The following MARCHF1 variants were observed in gnomAD, a reference collection of about 807,000 sequenced individuals.
MARCHF1 encodes the protein membrane associated ring-CH-type finger 1, also known as E3 ubiquitin-protein ligase MARCHF1.
MARCHF1 carries 40 observed loss-of-function variants against 54.2 expected under a neutral mutation model. The observed-to-expected ratio is 0.74, with a 90% CI of 0.57 to 0.96. The LOEUF (loss-of-function observed/expected upper bound fraction) is 0.96. MARCHF1 is among the 40% of genes least tolerant of loss of function. MARCHF1 has a pLI of 0.00. For missense variants in MARCHF1, 586 were observed against 656.5 expected (o/e 0.89, Z 1.17); for synonymous variants, 236 against 236.3 (o/e 1.00, Z 0.01).
At chr4:164,311,186 C>A (rs1183486710) in intron 1 of MARCHF1, among the ~76,000 whole-genome samples, 1 of 151,964 alleles carries the variant, frequency 6.6e-6, no homozygotes, top group Non-Finnish European at 1.5e-5. Context: ...TACTGAATTG[C>A]GGATAGATAT....
Position 163,946,081 on chromosome 4 carries a change from T to C in MARCHF1, c.-39+42420A>G, listed in dbSNP as rs1356316625. On this transcript the variant is annotated intron_variant, in intron 3 of 9. Coordinates refer to ENST00000514618, the MANE Select transcript of MARCHF1 (RefSeq NM_001394959.1). ...AGTAAAACATTAATTTTAAAGTTGA[T>C]TTGCTACAAAAATATATGGAAAATA... 1.4e-4 allele frequency among the ~76,000 whole-genome samples: 21 copies of C among 152,134 alleles called. 1 individual carries two copies. Among genetic ancestry groups the C allele is most frequent in the Admixed American group, 1.4e-3 (21 of 15,262 alleles).
intron 4 of MARCHF1, among the ~76,000 whole-genome samples, chr4:163,705,986 A>AT (rs1438341537): frequency 6.6e-6 from 1 of 152,052 alleles, no homozygotes; most frequent in African/African-American, 2.4e-5. Flanking sequence ...ATACATGACA[A>AT]TTAGATAATG....
chr4:164,072,215 A>T (rs778186856), intron 2 of MARCHF1, among the ~76,000 whole-genome samples: 12 of 152,166 alleles, frequency 7.9e-5, no homozygotes, highest in Non-Finnish European at 8.8e-5. Context: ...TTTCCTTATA[A>T]CAAATATAAA....
At chr4:164,015,274 C>T (rs966715617) in intron 2 of MARCHF1, among the ~76,000 whole-genome samples, 1 of 152,090 alleles carries the variant, frequency 6.6e-6, no homozygotes, top group East Asian at 1.9e-4. Context: ...AAACTAGACC[C>T]TTATCTCTCA....
At chr4:163,956,578 A>T (rs868001164) in intron 3 of MARCHF1, among the ~76,000 whole-genome samples, 4 of 152,108 alleles carry the variant, frequency 2.6e-5, no homozygotes, top group African/African-American at 9.7e-5. Flanking sequence ...ATTTTTCTTT[A>T]AAGGCAACAA....
intron 3 of MARCHF1, among the ~76,000 whole-genome samples, chr4:163,893,742 A>G (rs750237889): frequency 2.6e-5 from 4 of 152,218 alleles, no homozygotes; most frequent in Non-Finnish European, 4.4e-5. Flanking sequence ...ATAAATGCAT[A>G]AATTAATAAT....
chr4:163,635,351 C>G (rs1285234786), intron 5 of MARCHF1, among the ~76,000 whole-genome samples: 24 of 150,914 alleles, frequency 1.6e-4, no homozygotes, highest in Non-Finnish European at 2.8e-4. Context: ...AGACCGCTAG[C>G]AAGACTAATA....
chr4:164,229,762 G>A (rs185184140), intron 1 of MARCHF1, among the ~76,000 whole-genome samples: 3 of 152,184 alleles, frequency 2.0e-5, no homozygotes, highest in Non-Finnish European at 4.4e-5. Context: ...CACATGGCCC[G>A]AGTAAGAGCA....
At chr4:164,100,130 C>T (rs1468593848) in intron 2 of MARCHF1, among the ~76,000 whole-genome samples, 1 of 152,192 alleles carries the variant, frequency 6.6e-6, no homozygotes, top group Non-Finnish European at 1.5e-5. Flanking sequence ...GCAAGCATTT[C>T]CTCTTCAGAG....
chr4:164,152,048 C>A (rs1729956782), intron 1 of MARCHF1, among the ~76,000 whole-genome samples: 1 of 152,056 alleles, frequency 6.6e-6, no homozygotes, highest in African/African-American at 2.4e-5. Flanking sequence ...CTGAGTCCTG[C>A]AGTTGCAATA....
At chr4:163,713,247 C>T (rs752468069) in intron 4 of MARCHF1, among the ~76,000 whole-genome samples, 7 of 151,852 alleles carry the variant, frequency 4.6e-5, no homozygotes, top group Non-Finnish European at 7.4e-5. Context: ...CAAATTTAAT[C>T]TTTTTACATA....
rs150191416 is a variant in MARCHF1 at position 164,320,669 on chromosome 4, T to C, written c.-323+63201A>G. ...GAAAACAGAAAACCGGTCAATTTAC[T>C]ACAACATGGGAATGACCTAGGAATT... On this transcript the variant is annotated intron_variant, in intron 1 of 9. Transcript: ENST00000514618. Among the ~76,000 whole-genome samples, 704 of 152,174 alleles carry C rather than the reference T, an allele frequency of 4.6e-3. 4 individuals carry two copies. The highest frequency in any genetic ancestry group is 0.014 in the Middle Eastern group (4 of 294).
intron 4 of MARCHF1, among the ~76,000 whole-genome samples, chr4:163,802,770 T>C (rs1272673404): frequency 6.6e-6 from 1 of 152,184 alleles, no homozygotes; most frequent in Admixed American, 6.6e-5. Context: ...GAAAGATAGA[T>C]AACAAAATGT....
chr4:163,964,260 CT>C (rs1273965800), intron 3 of MARCHF1, among the ~76,000 whole-genome samples: 4 of 151,856 alleles, frequency 2.6e-5, no homozygotes, highest in Non-Finnish European at 5.9e-5. Flanking sequence ...CAGAAAATAA[CT>C]TTTTTTAAAA....
intron 4 of MARCHF1, among the ~76,000 whole-genome samples, chr4:163,769,900 T>C (rs1747104926): frequency 6.6e-6 from 1 of 152,150 alleles, no homozygotes. Flanking sequence ...TATATGTGCA[T>C]TTTCTTCTGC....
chr4:163,584,173 A>G, intron 8 of MARCHF1: 1 of 151,512 alleles, frequency 6.6e-6, no homozygotes. Flanking sequence ...TCTCAGCAGC[A>G]TGTTTTTTAA....
chr4:163,554,324 A>G (rs1399532782), intron 8 of MARCHF1, among the ~76,000 whole-genome samples: 1 of 152,236 alleles, frequency 6.6e-6, no homozygotes, highest in African/African-American at 2.4e-5. Context: ...AGAGGTGTTA[A>G]CAACTGCCAG....
chr4:163,995,569 G>A (rs559395699), intron 2 of MARCHF1, among the ~76,000 whole-genome samples: 1 of 152,156 alleles, frequency 6.6e-6, no homozygotes, highest in South Asian at 2.1e-4. Context: ...CAACTCATTA[G>A]TATGCAAAAA....
At chr4:163,666,896 T>C (rs535600725) in intron 5 of MARCHF1, among the ~76,000 whole-genome samples, 10 of 152,272 alleles carry the variant, frequency 6.6e-5, no homozygotes, top group African/African-American at 2.2e-4. Flanking sequence ...TCTTGTGTTA[T>C]GCGTGGACTC....
Sources: allele counts gnomAD v4.1 joint callset (sites outside exome capture counted in the v4.1 genomes callset), GRCh38; gene constraint gnomAD v4.1.1; transcripts MANE v1.5; gene names NCBI Gene and HGNC (gene_info 2026-07-23, HGNC 2026-07-21).